Variants in RGL1 observed in about 807,000 individuals in gnomAD.
RGL1 encodes ral guanine nucleotide dissociation stimulator-like 1.
RGL1 carries 24 observed loss-of-function variants against 95.2 expected under a neutral mutation model. That is an observed-to-expected ratio of 0.25 (90% CI 0.18 to 0.35). The LOEUF (loss-of-function observed/expected upper bound fraction) is 0.35. Among genes scored for constraint, RGL1 ranks in the 10% least tolerant of loss-of-function variants. The probability of loss-of-function intolerance (pLI) is 1.00; values close to 1 mark genes in which losing one functional copy is unlikely to be tolerated. For missense variants in RGL1, 715 were observed against 936.3 expected, an observed-to-expected ratio of 0.76 and a Z score of 3.08; for synonymous variants, 329 against 344.9, an observed-to-expected ratio of 0.95 and a Z score of 0.51.
intron 2 of RGL1, among the ~76,000 whole-genome samples, chr1:183,822,000 A>AG (rs1662520994): frequency 6.6e-6 from 1 of 152,188 alleles, no homozygotes; most frequent in African/African-American, 2.4e-5. Context: ...GCCTGACAGA[A>AG]AACATGTCCT....
chr1:183,823,652 C>A (rs556019151), intron 2 of RGL1, among the ~76,000 whole-genome samples: 1 of 152,170 alleles, frequency 6.6e-6, no homozygotes, highest in East Asian at 1.9e-4. Context: ...ATTCAACTTA[C>A]GGAGTTCCAC....
intron 3 of RGL1, among the ~76,000 whole-genome samples, chr1:183,850,649 A>G (rs1047868389): frequency 1.3e-5 from 2 of 152,210 alleles, no homozygotes; most frequent in African/African-American, 2.4e-5. Flanking sequence ...AGTGCTTGAC[A>G]AAATAGGCCT....
intron 2 of RGL1, among the ~76,000 whole-genome samples, chr1:183,746,565 G>C (rs1260892478): frequency 6.7e-6 from 1 of 149,934 alleles, no homozygotes; most frequent in Non-Finnish European, 1.5e-5. Context: ...GAACATTTAA[G>C]TTATTTATAG....
In RGL1 at chr1:183,830,553, GCAAA is replaced by G. The variant is rs199676427; in HGVS notation, c.139-17010_139-17007del. On this transcript the variant is annotated intron_variant, in intron 2 of 17. Coordinates refer to ENST00000360851, the MANE Select transcript of RGL1 (RefSeq NM_001297671.3). ...CATATTCCCACTCTCTGTTTTCGAA[GCAAA>G]CAGTTGGCCCAGTGGCATCTACATC... Among the ~76,000 whole-genome samples the G allele has an allele frequency of 9.3e-3, 1,417 of 152,200 alleles. 10 individuals are homozygous for G. Among genetic ancestry groups the G allele is most frequent in the African/African-American group, 0.032 (1,322 of 41,526 alleles).
At chr1:183,722,484 C>T (rs78141286) in intron 1 of RGL1, among the ~76,000 whole-genome samples, 11 of 151,928 alleles carry the variant, frequency 7.2e-5, no homozygotes, top group African/African-American at 2.2e-4. Context: ...CTAAGAAACT[C>T]GGAACATGAA....
At chr1:183,747,974 T>A (rs1207783104) in intron 2 of RGL1, among the ~76,000 whole-genome samples, 1 of 152,196 alleles carries the variant, frequency 6.6e-6, no homozygotes, top group East Asian at 1.9e-4. Flanking sequence ...TGGGCTTTTT[T>A]TGATTGGTAG....
At chr1:183,693,164 C>T (rs1441240737) in intron 1 of RGL1, among the ~76,000 whole-genome samples, 1 of 152,072 alleles carries the variant, frequency 6.6e-6, no homozygotes, top group Non-Finnish European at 1.5e-5. Context: ...CTGTGTTAGC[C>T]AGGATGGTCT....
At chr1:183,906,457 C>T (rs1668324532) in intron 13 of RGL1, among the ~76,000 whole-genome samples, 1 of 151,776 alleles carries the variant, frequency 6.6e-6, no homozygotes, top group South Asian at 2.1e-4. Flanking sequence ...TGGTGAAACC[C>T]CATCTCTACT....
At chr1:183,917,078 A>G (rs1185166053) in intron 16 of RGL1, among the ~76,000 whole-genome samples, 1 of 152,184 alleles carries the variant, frequency 6.6e-6, no homozygotes, top group African/African-American at 2.4e-5. Flanking sequence ...AAGCCTTCCT[A>G]TGGAATTATA....
rs946306501 is a variant in RGL1, at chr1:183,659,391, C to T, written c.-33+22890C>T. Reference sequence around the variant, plus strand: ...GCTGATGGAGCTGAAAGCCAAGGCTCGAGAACTATGGGAAGAATGCAGAAG... The same window carrying T: ...GCTGATGGAGCTGAAAGCCAAGGCTTGAGAACTATGGGAAGAATGCAGAAG... On this transcript the variant is annotated intron_variant, in intron 1 of 18. Transcript: ENST00000304685. Among the ~76,000 whole-genome samples the T allele has an allele frequency of 5.9e-5, 9 of 151,972 alleles. No individual in the cohort carries two copies. The East Asian group carries it at 1.3e-3, about 23-fold the overall frequency.
At chr1:183,922,393 TC>T in intron 17 of RGL1, 57 bp downstream of exon 17, 1 of 1,219,016 alleles carries the variant, frequency 8.2e-7, no homozygotes, top group Non-Finnish European at 1.2e-6. Context: ...CTAGCACATG[TC>T]CACAGTGCTC....
chr1:183,841,019 T>G (rs2102517366), intron 2 of RGL1, among the ~76,000 whole-genome samples: 1 of 152,318 alleles, frequency 6.6e-6, no homozygotes, highest in Non-Finnish European at 1.5e-5. Flanking sequence ...CTCCACCATT[T>G]TACTCACATT....
At chr1:183,660,704 A>G (rs1376735927) in intron 1 of RGL1, among the ~76,000 whole-genome samples, 1,606 of 151,408 alleles carry the variant, frequency 0.011, 29 homozygotes, top group African/African-American at 0.038. Context: ...TGCACCAAGC[A>G]GACCTAATAG....
intron 2 of RGL1, among the ~76,000 whole-genome samples, chr1:183,818,675 TAACCTGGG>T (rs1282522215): frequency 6.6e-6 from 1 of 152,242 alleles, no homozygotes; most frequent in Non-Finnish European, 1.5e-5. Flanking sequence ...CATATTCCCG[TAACCTGGG>T]ACAGTGTTTG....
intron 15 of RGL1, 122 bp from the exon 16 acceptor site, chr1:183,916,325 G>A: frequency 1.7e-6 from 2 of 1,152,090 alleles, no homozygotes; most frequent in Admixed American, 2.0e-5. Context: ...GTGTGCTGTG[G>A]GCTGTTGTGG....
chr1:183,905,738 C>T (rs1395246213), intron 13 of RGL1, among the ~76,000 whole-genome samples: 1 of 151,938 alleles, frequency 6.6e-6, no homozygotes, highest in South Asian at 2.1e-4. Flanking sequence ...GTAGCCTGCT[C>T]GCTTGTTGGC....
intron 1 of RGL1, among the ~76,000 whole-genome samples, chr1:183,718,303 C>G (rs1320393172): frequency 6.6e-6 from 1 of 151,100 alleles, no homozygotes; most frequent in Non-Finnish European, 1.5e-5. Context: ...TGATGGAGAT[C>G]AAATTGCTTT....
intron 12 of RGL1, 67 bp from the exon 13 acceptor site, chr1:183,904,783 T>G: frequency 1.4e-6 from 2 of 1,478,692 alleles, no homozygotes; most frequent in Non-Finnish European, 9.1e-7. Flanking sequence ...TGTTGAAAGA[T>G]TCTATATTTG....
At chr1:183,690,163 T>G (rs77135079) in intron 1 of RGL1, among the ~76,000 whole-genome samples, 2,196 of 152,250 alleles carry the variant, frequency 0.014, 43 homozygotes, top group East Asian at 0.085. Flanking sequence ...TGGGTGGCTG[T>G]GTGGGAATTG....
Sources: gnomAD v4.1 joint callset for allele counts (sites outside exome capture counted in the v4.1 genomes callset) on GRCh38, gnomAD v4.1.1 for gene constraint, MANE v1.5 for transcripts, NCBI Gene and HGNC (gene_info 2026-07-23, HGNC 2026-07-21) for gene names.